RNGTT: variants seen among roughly 807,000 people sequenced by gnomAD.
RNGTT encodes mRNA-capping enzyme.
A neutral mutation model predicts 79.3 loss-of-function variants in RNGTT; 33 were observed. That is an observed-to-expected ratio of 0.42 (90% CI 0.32 to 0.56). The LOEUF is 0.56. RNGTT is among the 20% of genes least tolerant of loss of function. The pLI, the probability that RNGTT is intolerant of heterozygous loss-of-function variation, is 0.17. For missense variants in RNGTT, 497 were observed against 739.1 expected, an observed-to-expected ratio of 0.67 and a Z score of 3.80; for synonymous variants, 222 against 235.9, an observed-to-expected ratio of 0.94 and a Z score of 0.54.
At chr6:88,723,424 T>C (rs914328260) in intron 13 of RNGTT, among the ~76,000 whole-genome samples, 18 of 152,186 alleles carry the variant, frequency 1.2e-4, no homozygotes, top group African/African-American at 3.6e-4. Context: ...CTACAGCCCC[T>C]GCCTCTTTGC....
chr6:88,672,139 A>G (rs777151227), intron 14 of RNGTT, among the ~76,000 whole-genome samples: 4 of 152,006 alleles, frequency 2.6e-5, no homozygotes, highest in Non-Finnish European at 5.9e-5. Context: ...AAGTTTCTGT[A>G]CAACAAAAGA....
chr6:88,684,272 C>A (rs1361845933), intron 13 of RNGTT, among the ~76,000 whole-genome samples: 1 of 152,138 alleles, frequency 6.6e-6, no homozygotes, highest in African/African-American at 2.4e-5. Context: ...AACTCGCGAG[C>A]ATTGCTGGTG....
intron 13 of RNGTT, among the ~76,000 whole-genome samples, chr6:88,711,684 G>C (rs1402026351): frequency 1.3e-5 from 2 of 152,158 alleles, no homozygotes; most frequent in African/African-American, 4.8e-5. Context: ...AGGAGTTTAA[G>C]AATTTTTAGT....
chr6:88,691,244 C>T (rs1482316511), intron 13 of RNGTT, among the ~76,000 whole-genome samples: 6 of 152,138 alleles, frequency 3.9e-5, no homozygotes, highest in South Asian at 2.1e-4. Context: ...CTCTCTTCCT[C>T]CTGCTCTGGC....
chr6:88,781,280 T>C (rs1156485386), intron 12 of RNGTT, among the ~76,000 whole-genome samples: 4 of 152,166 alleles, frequency 2.6e-5, no homozygotes, highest in African/African-American at 9.7e-5. Context: ...ACCAGAGATA[T>C]CTAAAAACAC....
intron 12 of RNGTT, among the ~76,000 whole-genome samples, chr6:88,771,892 G>A (rs9342159): frequency 0.14 from 21,063 of 152,076 alleles, 1,592 homozygotes; most frequent in Middle Eastern, 0.24. Context: ...AAAACTTACA[G>A]TAGGGTTAGG....
chr6:88,736,506 T>A (rs542189295), intron 13 of RNGTT, among the ~76,000 whole-genome samples: 27 of 152,300 alleles, frequency 1.8e-4, no homozygotes, highest in African/African-American at 6.5e-4. Context: ...GGTGTCTCCA[T>A]CATTTAAGAG....
chr6:88,624,553 A>G (rs1357267381), intron 14 of RNGTT, among the ~76,000 whole-genome samples: 1 of 151,980 alleles, frequency 6.6e-6, no homozygotes, highest in Non-Finnish European at 1.5e-5. Context: ...CTCAATCTAC[A>G]TCATTCACAT....
At chr6:88,744,957 T>C (rs1777615906) in intron 13 of RNGTT, among the ~76,000 whole-genome samples, 2 of 152,188 alleles carry the variant, frequency 1.3e-5, no homozygotes, top group African/African-American at 4.8e-5. Context: ...TGTTTCTAAG[T>C]ATATATAGTT....
chr6:88,640,442 T>C (rs891016045), intron 14 of RNGTT, among the ~76,000 whole-genome samples: 1 of 148,612 alleles, frequency 6.7e-6, no homozygotes, highest in Non-Finnish European at 1.5e-5. Context: ...TCCCAGCTAC[T>C]CGAGAGGCTA....
chr6:88,629,933 T>C (rs542982724), intron 14 of RNGTT, among the ~76,000 whole-genome samples: 330 of 152,264 alleles, frequency 2.2e-3, no homozygotes, highest in Non-Finnish European at 4.0e-3. Context: ...CTCCTTCTAA[T>C]CTTGATTAAG....
At chr6:88,886,087 C>T (rs13196848) in intron 8 of RNGTT, among the ~76,000 whole-genome samples, 14,254 of 152,202 alleles carry the variant, frequency 0.094, 862 homozygotes, top group Middle Eastern at 0.2. Flanking sequence ...AGGCGGATCA[C>T]GACGTCAGGA....
intron 12 of RNGTT, among the ~76,000 whole-genome samples, chr6:88,800,505 C>T (rs1164110841): frequency 1.3e-5 from 2 of 152,140 alleles, no homozygotes; most frequent in African/African-American, 4.8e-5. Flanking sequence ...AGCTTATACT[C>T]TAATTACTAA....
chr6:88,963,259 A>T, intron 1 of RNGTT, 87 bp downstream of exon 1: 1 of 1,385,566 alleles, frequency 7.2e-7, no homozygotes, highest in Non-Finnish European at 1.0e-6. Flanking sequence ...TAATGGGCAC[A>T]GAACCACCAA....
At chr6:88,920,528 C>T (rs1020520583) in intron 4 of RNGTT, among the ~76,000 whole-genome samples, 3 of 152,040 alleles carry the variant, frequency 2.0e-5, no homozygotes, top group African/African-American at 7.2e-5. Flanking sequence ...AACAGTCACA[C>T]ATACATACAC....
intron 10 of RNGTT, among the ~76,000 whole-genome samples, chr6:88,848,090 T>TA (rs1177617048): frequency 0.024 from 3,371 of 140,360 alleles, 103 homozygotes; most frequent in African/African-American, 0.079. Context: ...TCCAAACAAG[T>TA]AAAAAAAAAA....
chr6:88,737,802 G>A (rs1306101271), intron 13 of RNGTT, among the ~76,000 whole-genome samples: 1 of 152,140 alleles, frequency 6.6e-6, no homozygotes, highest in Admixed American at 6.5e-5. Context: ...TGTTGTTTAA[G>A]GCACCCAGTC....
chr6:88,954,490 A>G (rs1220237464), intron 1 of RNGTT, among the ~76,000 whole-genome samples: 2 of 152,154 alleles, frequency 1.3e-5, no homozygotes, highest in Non-Finnish European at 2.9e-5. Context: ...TAAAGCAATT[A>G]CTACTAGAGA....
intron 9 of RNGTT, 48 bp from the exon 10 acceptor site, chr6:88,849,874 T>C: frequency 6.7e-7 from 1 of 1,483,376 alleles, no homozygotes. Context: ...AATAACAATT[T>C]TTTTTAATTT....
Sources: allele counts gnomAD v4.1 joint callset (sites outside exome capture counted in the v4.1 genomes callset), GRCh38; gene constraint gnomAD v4.1.1; transcripts MANE v1.5; gene names NCBI Gene and HGNC (gene_info 2026-07-23, HGNC 2026-07-21).